TMEM132D: variants seen among roughly 807,000 people sequenced by gnomAD.
TMEM132D encodes the protein transmembrane protein 132D, also known as mature OL transmembrane protein.
Under a neutral mutation model 62.3 loss-of-function variants are expected in TMEM132D, and 21 were observed. The ratio of observed to expected loss-of-function variants is 0.34; its 90% CI spans 0.24 to 0.49. The LOEUF (loss-of-function observed/expected upper bound fraction) is 0.49, where lower values mean the gene tolerates loss of function less well. Among genes scored for constraint, TMEM132D ranks in the 20% least tolerant of loss-of-function variants. The pLI, the probability that TMEM132D is intolerant of heterozygous loss-of-function variation, is 0.99. For synonymous variants in TMEM132D, 621 were observed against 575.6 expected (o/e 1.08, Z -1.13); for missense variants, 1,346 against 1,402.8 (o/e 0.96, Z 0.65).
At chr12:129,227,080 G>A (rs1046124496) in intron 4 of TMEM132D, among the ~76,000 whole-genome samples, 2 of 151,962 alleles carry the variant, frequency 1.3e-5, no homozygotes, top group Non-Finnish European at 2.9e-5. Flanking sequence ...CCCTCAAGGA[G>A]GAATTTCTAA....
chr12:129,244,432 C>G (rs1354572545), intron 4 of TMEM132D, among the ~76,000 whole-genome samples: 1 of 150,986 alleles, frequency 6.6e-6, no homozygotes, highest in East Asian at 2.0e-4. Context: ...AACAAGGTCT[C>G]TTATTCATTT....
intron 1 of TMEM132D, among the ~76,000 whole-genome samples, chr12:129,811,958 CAT>C (rs1872200359): frequency 6.6e-6 from 1 of 151,744 alleles, no homozygotes; most frequent in African/African-American, 2.4e-5. Context: ...CCACCTGACA[CAT>C]ATATTTCAAC....
chr12:129,677,308 CTCTT>C lies in TMEM132D; in HGVS notation c.968+22498_968+22501del, dbSNP rs374138244. 4.5e-3 allele frequency among the ~76,000 whole-genome samples: 687 copies of C among 152,278 alleles called. 5 individuals carry two copies. Among genetic ancestry groups the C allele is most frequent in the African/African-American group, 0.015 (609 of 41,564 alleles). ...CGAGGAGTTTCCCTCCACAAGCTCT[CTCTT>C]TGTCTCCCACCATCCACATAAGACG... On this transcript the variant is annotated intron_variant, in intron 2 of 8. Coordinates refer to ENST00000422113, the MANE Select transcript of TMEM132D (RefSeq NM_133448.3).
At chr12:129,854,015 G>C (rs564493649) in intron 1 of TMEM132D, among the ~76,000 whole-genome samples, 12 of 152,252 alleles carry the variant, frequency 7.9e-5, no homozygotes, top group Admixed American at 2.0e-4. Flanking sequence ...AAGCCACCTT[G>C]GGGGGATGGG....
At chr12:129,109,374 G>A (rs1006286733) in intron 5 of TMEM132D, among the ~76,000 whole-genome samples, 1 of 152,168 alleles carries the variant, frequency 6.6e-6, no homozygotes, top group Non-Finnish European at 1.5e-5. Flanking sequence ...TGGTGATCAT[G>A]GTACCAACTT....
intron 3 of TMEM132D, among the ~76,000 whole-genome samples, chr12:129,369,168 G>A (rs1157821668): frequency 2.6e-5 from 4 of 152,178 alleles, no homozygotes; most frequent in East Asian, 1.9e-4. Flanking sequence ...AAACAGCATA[G>A]AGGGCACATG....
chr12:129,430,533 G>T (rs1462358548), intron 3 of TMEM132D, among the ~76,000 whole-genome samples: 1 of 151,946 alleles, frequency 6.6e-6, no homozygotes, highest in East Asian at 1.9e-4. Context: ...AGACTCCTGG[G>T]CTTAAGCGAT....
Position 129,152,599 on chromosome 12 carries a change from G to T in TMEM132D, c.1443+56921C>A, listed in dbSNP as rs76288949. 7.3e-3 allele frequency among the ~76,000 whole-genome samples: 1,108 copies of T among 152,282 alleles called. 16 individuals are homozygous for T. Among genetic ancestry groups the T allele is most frequent in the African/African-American group, 0.025 (1,038 of 41,556 alleles). On this transcript the variant is annotated intron_variant, in intron 5 of 8. Coordinates refer to ENST00000422113, the MANE Select transcript of TMEM132D (RefSeq NM_133448.3). ...CCATAATCTCCACCCGCCCCTGCAGGCATTTTGCTCACTAGATGGGGAGAG... is the reference window on the plus strand; with the variant it reads ...CCATAATCTCCACCCGCCCCTGCAGTCATTTTGCTCACTAGATGGGGAGAG...
intron 2 of TMEM132D, among the ~76,000 whole-genome samples, chr12:129,569,919 C>T (rs1406721379): frequency 1.3e-5 from 2 of 152,142 alleles, no homozygotes; most frequent in African/African-American, 4.8e-5. Flanking sequence ...ATGGACGTAT[C>T]CTACTTCAAC....
At chr12:129,248,050 G>A (rs10847816) in intron 4 of TMEM132D, among the ~76,000 whole-genome samples, 7,498 of 152,146 alleles carry the variant, frequency 0.049, 400 homozygotes, top group East Asian at 0.2. Flanking sequence ...TCTCTACCTC[G>A]ATATCATTAA....
intron 4 of TMEM132D, among the ~76,000 whole-genome samples, chr12:129,305,496 T>C (rs186429528): frequency 6.6e-6 from 1 of 152,264 alleles, no homozygotes; most frequent in Admixed American, 6.5e-5. Flanking sequence ...TGAGTATAGA[T>C]GTATGCCCCC....
chr12:129,287,260 C>T (rs751166882), intron 4 of TMEM132D, among the ~76,000 whole-genome samples: 1 of 152,154 alleles, frequency 6.6e-6, no homozygotes, highest in African/African-American at 2.4e-5. Context: ...GATAGTAATG[C>T]TCTATAATCC....
intron 2 of TMEM132D, among the ~76,000 whole-genome samples, chr12:129,555,485 G>A (rs1280864631): frequency 6.6e-6 from 1 of 152,178 alleles, no homozygotes; most frequent in East Asian, 1.9e-4. Flanking sequence ...AATAGCTAGG[G>A]AAGCAACCAT....
intron 3 of TMEM132D, among the ~76,000 whole-genome samples, chr12:129,354,020 A>G (rs1869955633): frequency 6.6e-6 from 1 of 151,874 alleles, no homozygotes; most frequent in African/African-American, 2.4e-5. Context: ...AAACCTTTCC[A>G]CCAGAAAGGG....
chr12:129,676,868 T>C (rs1204295407), intron 2 of TMEM132D, among the ~76,000 whole-genome samples: 2 of 152,200 alleles, frequency 1.3e-5, no homozygotes, highest in African/African-American at 4.8e-5. Context: ...CATGTTTCCA[T>C]CCATCTACTC....
At chr12:129,408,250 A>G (rs1871854668) in intron 3 of TMEM132D, among the ~76,000 whole-genome samples, 1 of 152,214 alleles carries the variant, frequency 6.6e-6, no homozygotes, top group Non-Finnish European at 1.5e-5. Flanking sequence ...TGCCTATTCT[A>G]TAACTAATTG....
chr12:129,648,238 G>A (rs978710634), intron 2 of TMEM132D, among the ~76,000 whole-genome samples: 1 of 152,062 alleles, frequency 6.6e-6, no homozygotes, highest in African/African-American at 2.4e-5. Context: ...CACCCAGATT[G>A]GTACACTGCC....
At chr12:129,585,347 C>A (rs1022135199) in intron 2 of TMEM132D, among the ~76,000 whole-genome samples, 1 of 152,188 alleles carries the variant, frequency 6.6e-6, no homozygotes, top group East Asian at 1.9e-4. Flanking sequence ...AAGAAGGTGG[C>A]CACACACTCA....
chr12:129,104,938 G>A (rs1161250557), intron 5 of TMEM132D, among the ~76,000 whole-genome samples: 1 of 147,942 alleles, frequency 6.8e-6, no homozygotes, highest in African/African-American at 2.6e-5. Flanking sequence ...GTTTTACACT[G>A]TTGGTGGGAC....
Sources: gnomAD v4.1 joint callset for allele counts (sites outside exome capture counted in the v4.1 genomes callset) on GRCh38, gnomAD v4.1.1 for gene constraint, MANE v1.5 for transcripts, NCBI Gene and HGNC (gene_info 2026-07-23, HGNC 2026-07-21) for gene names.